Variants in KIAA1328 observed in about 807,000 individuals in gnomAD.
KIAA1328 encodes the protein protein hinderin.
A neutral mutation model predicts 68.1 loss-of-function variants in KIAA1328; 52 were observed. That is an observed-to-expected ratio of 0.76 (90% CI 0.61 to 0.96). The LOEUF (loss-of-function observed/expected upper bound fraction) is 0.96. KIAA1328 is among the 40% of genes least tolerant of loss of function. The probability of loss-of-function intolerance (pLI) is 0.00; values close to 1 mark genes in which losing one functional copy is unlikely to be tolerated. For synonymous variants in KIAA1328, 232 were observed against 239.4 expected (o/e 0.97, Z 0.28); for missense variants, 641 against 677.6 (o/e 0.95, Z 0.60).
chr18:36,953,266 T>C (rs2051240946), intron 5 of KIAA1328, among the ~76,000 whole-genome samples: 1 of 147,476 alleles, frequency 6.8e-6, no homozygotes, highest in Non-Finnish European at 1.5e-5. Context: ...TATTTAATAA[T>C]ATATGCTATA....
At chr18:37,071,948 A>C (rs1468771773) in intron 7 of KIAA1328, among the ~76,000 whole-genome samples, 1 of 152,222 alleles carries the variant, frequency 6.6e-6, no homozygotes, top group Admixed American at 6.5e-5. Context: ...ACAGAAATAG[A>C]CTAAACCAAA....
chr18:37,121,432 A>C (rs544074400), intron 7 of KIAA1328, among the ~76,000 whole-genome samples: 2 of 151,688 alleles, frequency 1.3e-5, no homozygotes, highest in Admixed American at 6.6e-5. Flanking sequence ...CTATCTATCT[A>C]TCTATCTATC....
At chr18:36,852,437 C>T (rs879431261) in intron 4 of KIAA1328, among the ~76,000 whole-genome samples, 4 of 152,152 alleles carry the variant, frequency 2.6e-5, no homozygotes, top group Non-Finnish European at 5.9e-5. Flanking sequence ...AACTGACAAA[C>T]TGCGTCTGTC....
intron 7 of KIAA1328, among the ~76,000 whole-genome samples, chr18:37,135,584 T>C (rs1423120365): frequency 6.6e-6 from 1 of 152,194 alleles, no homozygotes; most frequent in Non-Finnish European, 1.5e-5. Flanking sequence ...TTCTGAATAT[T>C]AGACCTTTGT....
chr18:36,844,388 C>A, intron 4 of KIAA1328, 86 bp downstream of exon 4: 3 of 783,834 alleles, frequency 3.8e-6, no homozygotes, highest in Non-Finnish European at 3.8e-6. Context: ...ATTTTGATGA[C>A]TTAATATCTT....
chr18:37,217,284 A>G (rs1842654491), intron 9 of KIAA1328, among the ~76,000 whole-genome samples: 1 of 152,058 alleles, frequency 6.6e-6, no homozygotes, highest in African/African-American at 2.4e-5. Context: ...ACAATTTGGC[A>G]TGTTTTTGCG....
chr18:37,226,249 C>T (rs569669958), downstream of KIAA1328, among the ~76,000 whole-genome samples: 7 of 151,884 alleles, frequency 4.6e-5, no homozygotes, highest in Non-Finnish European at 7.4e-5. Flanking sequence ...TTCAGCACTC[C>T]TTGCCAATCA....
intron 7 of KIAA1328, among the ~76,000 whole-genome samples, chr18:37,136,802 T>G (rs1252060548): frequency 6.6e-6 from 1 of 152,238 alleles, no homozygotes; most frequent in Non-Finnish European, 1.5e-5. Flanking sequence ...GGACTTATTC[T>G]ACATTGAAAT....
intron 6 of KIAA1328, among the ~76,000 whole-genome samples, chr18:36,968,628 T>C (rs929893607): frequency 7.2e-5 from 11 of 152,114 alleles, no homozygotes; most frequent in African/African-American, 2.7e-4. Context: ...GCGACCCAGA[T>C]TCATAAAGCA....
At chr18:37,172,944 C>A (rs1305358151) in intron 8 of KIAA1328, 29 bp from the exon 9 acceptor site, 2 of 1,531,928 alleles carry the variant, frequency 1.3e-6, no homozygotes, top group African/African-American at 1.4e-5. Flanking sequence ...TACTGAATGC[C>A]CAAATTATTT....
chr18:37,202,024 G>T (rs2060124346), intron 9 of KIAA1328, among the ~76,000 whole-genome samples: 1 of 152,178 alleles, frequency 6.6e-6, no homozygotes, highest in Non-Finnish European at 1.5e-5. Context: ...TGTTACAATA[G>T]AGAACACATT....
chr18:36,947,823 A>T (rs2050964218), intron 5 of KIAA1328, among the ~76,000 whole-genome samples: 1 of 152,172 alleles, frequency 6.6e-6, no homozygotes, highest in Non-Finnish European at 1.5e-5. Context: ...TTGGGGTAAA[A>T]CACTTTGATT....
At chr18:37,198,227 G>C (rs754683552) in intron 9 of KIAA1328, among the ~76,000 whole-genome samples, 1 of 152,030 alleles carries the variant, frequency 6.6e-6, no homozygotes, top group Non-Finnish European at 1.5e-5. Flanking sequence ...GTCTTTTTGG[G>C]GGCAATGAAA....
chr18:37,064,540 C>G (rs530492496), intron 6 of KIAA1328, among the ~76,000 whole-genome samples: 1 of 141,108 alleles, frequency 7.1e-6, no homozygotes, highest in East Asian at 2.3e-4. Context: ...GAAAGTACCC[C>G]CCCCCCCAAA....
intron 3 of KIAA1328, among the ~76,000 whole-genome samples, chr18:36,842,094 A>T (rs988456800): frequency 6.6e-6 from 1 of 152,222 alleles, no homozygotes; most frequent in Non-Finnish European, 1.5e-5. Context: ...GCAAAAAGGG[A>T]ACATTAAAGT....
At chr18:37,141,586 T>A (rs2058765721) in intron 7 of KIAA1328, among the ~76,000 whole-genome samples, 2 of 152,346 alleles carry the variant, frequency 1.3e-5, no homozygotes, top group South Asian at 2.1e-4. Flanking sequence ...TTAGTGGACA[T>A]GTTTTCTTTC....
chr18:37,107,911 C>T (rs1284155500), intron 7 of KIAA1328, among the ~76,000 whole-genome samples: 3 of 150,382 alleles, frequency 2.0e-5, no homozygotes, highest in Admixed American at 6.6e-5. Context: ...GAAAATGGAA[C>T]ACATGTACAC....
intron 6 of KIAA1328, among the ~76,000 whole-genome samples, chr18:37,007,423 A>G (rs1166301904): frequency 6.6e-6 from 1 of 152,206 alleles, no homozygotes; most frequent in African/African-American, 2.4e-5. Flanking sequence ...ATATCAGTAT[A>G]GTGCTTGTGA....
chr18:37,056,514 G>C (rs777222791), intron 6 of KIAA1328, among the ~76,000 whole-genome samples: 1 of 151,672 alleles, frequency 6.6e-6, no homozygotes, highest in Non-Finnish European at 1.5e-5. Flanking sequence ...CAATTCTGTC[G>C]TAAACCAAAG....
Sources: allele counts gnomAD v4.1 joint callset (sites outside exome capture counted in the v4.1 genomes callset), GRCh38; gene constraint gnomAD v4.1.1; transcripts MANE v1.5; gene names NCBI Gene and HGNC (gene_info 2026-07-23, HGNC 2026-07-21).